NDUFAF7: variants seen among roughly 807,000 people sequenced by gnomAD.
The protein encoded by NDUFAF7 is NADH:ubiquinone oxidoreductase complex assembly factor 7.
In NDUFAF7, 48 loss-of-function variants were observed where a neutral mutation model predicts 47.2. The ratio of observed to expected loss-of-function variants is 1.02; its 90% confidence interval spans 0.81 to 1.29. The LOEUF is 1.29. Among genes scored for constraint, NDUFAF7 ranks in the 50% most tolerant of loss-of-function variants. The pLI, the probability that NDUFAF7 is intolerant of heterozygous loss-of-function variation, is 0.00. For synonymous variants in NDUFAF7, 217 were observed against 190.0 expected, an observed-to-expected ratio of 1.14 and a Z score of -1.17; for missense variants, 635 against 537.6, an observed-to-expected ratio of 1.18 and a Z score of -1.79.
chr2:37,249,590 CACACA>C (rs1168571510), downstream of NDUFAF7, among the ~76,000 whole-genome samples: 2 of 129,422 alleles, frequency 1.5e-5, no homozygotes, highest in Non-Finnish European at 3.2e-5. Context: ...CACACACACA[CACACA>C]CACACACAGA....
chr2:37,236,770 A>G (rs1336904847), intron 3 of NDUFAF7, among the ~76,000 whole-genome samples: 4 of 149,250 alleles, frequency 2.7e-5, no homozygotes, highest in Non-Finnish European at 5.9e-5. Context: ...GACTGAGCAA[A>G]ACTCCGTCTC....
At chr2:37,238,730 C>CA (rs1419512600) in intron 4 of NDUFAF7, among the ~76,000 whole-genome samples, 2 of 151,956 alleles carry the variant, frequency 1.3e-5, no homozygotes, top group East Asian at 3.9e-4. Context: ...AGTGATTAGA[C>CA]AAGCCACAGA....
chr2:37,256,305 T>G (rs1667930678), downstream of NDUFAF7, among the ~76,000 whole-genome samples: 1 of 152,208 alleles, frequency 6.6e-6, no homozygotes, highest in Non-Finnish European at 1.5e-5. Flanking sequence ...GAGAAGTGTT[T>G]GGGAGCACCA....
intron 2 of NDUFAF7, 51 bp downstream of exon 2, chr2:37,232,317 G>A: frequency 6.2e-7 from 1 of 1,607,664 alleles, no homozygotes; most frequent in South Asian, 1.1e-5. Flanking sequence ...GATTTGCGAG[G>A]TGCAAGCCAG....
chr2:37,268,649 A>G, the NDUFAF7 span: 27,934 of 237,450 alleles, frequency 0.12, 2,262 homozygotes, highest in East Asian at 0.34. Context: ...TTCCACAGAG[A>G]AAGCCCTTTA....
chr2:37,236,842 A>T lies in NDUFAF7; in HGVS notation c.297+666A>T, dbSNP rs549153742. The stretch of plus-strand genomic sequence containing the variant: ...CAAAAGGAAAGGCGAGGAAAGAGGT[A>T]GAGTGCCCAGGAGAGTGCCCGGGAA... On this transcript the variant is annotated intron_variant, in intron 3 of 9. Coordinates refer to ENST00000002125, the MANE Select transcript of NDUFAF7 (RefSeq NM_144736.5). Among the ~76,000 whole-genome samples the T allele has an allele frequency of 1.9e-3, 293 of 151,878 alleles. 3 individuals carry two copies. Among genetic ancestry groups the T allele is most frequent in the Admixed American group, 0.014 (217 of 15,242 alleles).
downstream of NDUFAF7, among the ~76,000 whole-genome samples, chr2:37,257,375 T>TA: frequency 6.6e-6 from 1 of 152,138 alleles, no homozygotes; most frequent in South Asian, 2.1e-4. Context: ...AAAAATAAGT[T>TA]ACAGTATTAG....
At chr2:37,259,324 C>T in the NDUFAF7 span, among the ~76,000 whole-genome samples, 1 of 152,196 alleles carries the variant, frequency 6.6e-6, no homozygotes, top group Non-Finnish European at 1.5e-5. Flanking sequence ...TTGCTCACTT[C>T]GTTCCCAGCC....
chr2:37,237,433 A>G (rs1161556462), intron 3 of NDUFAF7, among the ~76,000 whole-genome samples: 1 of 152,266 alleles, frequency 6.6e-6, no homozygotes, highest in East Asian at 1.9e-4. Flanking sequence ...ATATGAAGAA[A>G]TGGCATAATC....
At chr2:37,256,696 G>A (rs1400381705), downstream of NDUFAF7, 4 of 1,537,184 alleles carry the variant, frequency 2.6e-6, no homozygotes, top group African/African-American at 1.5e-5. Flanking sequence ...GATTTGGTGG[G>A]TACATAAATG....
downstream of NDUFAF7, chr2:37,256,870 A>G (rs1312889040): frequency 1.2e-6 from 2 of 1,613,988 alleles, no homozygotes; most frequent in East Asian, 4.5e-5. Context: ...TTCCTACCAC[A>G]GATCTCCTGA....
downstream of NDUFAF7, chr2:37,252,994 CTTA>C (rs1353057524): frequency 1.4e-4 from 70 of 487,924 alleles, 1 homozygote; most frequent in East Asian, 2.2e-3. Context: ...ATTATGACTT[CTTA>C]TTATTCAGTT....
chr2:37,268,241 G>A, the NDUFAF7 span: 2 of 456,718 alleles, frequency 4.4e-6, no homozygotes, highest in Non-Finnish European at 9.0e-6. Flanking sequence ...TGGCACAATC[G>A]TAAGTCTACT....
Position 37,249,145 on chromosome 2 carries a change from A to G in NDUFAF7, c.*795A>G, listed in dbSNP as rs1667251423. On this transcript the variant is annotated 3_prime_UTR_variant, in exon 10 of 10. Transcript: ENST00000002125. ...GAGAAAAACTAAATAAATACGAGTA[A>G]TTTCATAGAAACGAATACACTAGTG... 6.6e-6 allele frequency: 1 copy of G among 152,238 alleles called. No individual in the cohort carries two copies. The highest frequency in any genetic ancestry group is 1.5e-5 in the Non-Finnish European group (1 of 68,082). 9.4% of individuals were successfully genotyped at this position (152,238 alleles called of 1,614,324 possible).
intron 2 of NDUFAF7, among the ~76,000 whole-genome samples, chr2:37,235,518 G>T (rs993379867): frequency 2.6e-5 from 4 of 152,062 alleles, no homozygotes; most frequent in East Asian, 1.9e-4. Context: ...AGGGTCTGGC[G>T]TGCAGAGATG....
chr2:37,237,985 A>G (rs1665968003), intron 4 of NDUFAF7, 118 bp downstream of exon 4: 5 of 772,028 alleles, frequency 6.5e-6, no homozygotes, highest in Admixed American at 2.1e-5. Flanking sequence ...TCTCAGCTAA[A>G]ATATAATGTC....
chr2:37,257,009 G>T, downstream of NDUFAF7: 1 of 1,435,634 alleles, frequency 7.0e-7, no homozygotes, highest in Non-Finnish European at 9.6e-7. Flanking sequence ...AACACTGTAT[G>T]TATCATTTCA....
the NDUFAF7 span, chr2:37,267,978 A>G: frequency 5.3e-6 from 1 of 187,740 alleles, no homozygotes. Context: ...GATATAAAAA[A>G]TTTATATTTG....
downstream of NDUFAF7, chr2:37,250,706 A>G (rs1667416195): frequency 6.6e-6 from 1 of 152,222 alleles, no homozygotes; most frequent in African/African-American, 2.4e-5. Flanking sequence ...CACATGGAAA[A>G]GTATGGTGAT....
Sources: allele counts gnomAD v4.1 joint callset (sites outside exome capture counted in the v4.1 genomes callset), GRCh38; gene constraint gnomAD v4.1.1; transcripts MANE v1.5; gene names NCBI Gene and HGNC (gene_info 2026-07-23, HGNC 2026-07-21).